Variants in CNBD1 observed in about 807,000 individuals in gnomAD.
CNBD1 encodes cyclic nucleotide binding domain containing 1.
A neutral mutation model predicts 54.4 loss-of-function variants in CNBD1; 71 were observed. The observed-to-expected ratio is 1.30, with a 90% CI of 1.08 to 1.59. CNBD1 has a LOEUF of 1.59. Among genes scored for constraint, CNBD1 ranks in the 40% most tolerant of loss-of-function variants. CNBD1 has a pLI of 0.00. For synonymous variants in CNBD1, 182 were observed against 170.7 expected, an observed-to-expected ratio of 1.07 and a Z score of -0.51; for missense variants, 659 against 518.0, an observed-to-expected ratio of 1.27 and a Z score of -2.64.
chr8:87,284,542 G>A (rs551372893), intron 6 of CNBD1, 136 bp from the exon 7 acceptor site: 1 of 592,566 alleles, frequency 1.7e-6, no homozygotes, highest in East Asian at 3.1e-5. Context: ...AGAAGTAGTA[G>A]GAGCCATCCA....
chr8:87,143,532 TGTAAA>T (rs2130740905), intron 4 of CNBD1, among the ~76,000 whole-genome samples: 1 of 152,338 alleles, frequency 6.6e-6, no homozygotes, highest in South Asian at 2.1e-4. Flanking sequence ...ATTTAAAGAA[TGTAAA>T]GTAATCCTGA....
intron 2 of CNBD1, among the ~76,000 whole-genome samples, chr8:87,391,107 G>T (rs1811300525): frequency 6.6e-6 from 1 of 151,958 alleles, no homozygotes; most frequent in Non-Finnish European, 1.5e-5. Flanking sequence ...GGGGGAAGGG[G>T]GGAGGGATAG....
intron 8 of CNBD1, among the ~76,000 whole-genome samples, chr8:87,313,173 G>T (rs533368261): frequency 2.6e-5 from 4 of 152,046 alleles, no homozygotes; most frequent in Middle Eastern, 6.8e-3. Context: ...AACTTGAAAA[G>T]GTTTGATGCT....
intron 1 of CNBD1, 100 bp downstream of exon 1, chr8:86,866,683 A>G: frequency 1.2e-6 from 1 of 820,508 alleles, no homozygotes; most frequent in South Asian, 1.5e-5. Context: ...GTTGATAGGG[A>G]CATTGGGAAT....
rs376590912 is a variant in CNBD1 at position 87,275,567 on chromosome 8, G to A, written c.772-9111G>A. Among the ~76,000 whole-genome samples the A allele has an allele frequency of 2.0e-3, 305 of 151,582 alleles. 2 individuals are homozygous for A. The highest frequency in any genetic ancestry group is 0.013 in the South Asian group (60 of 4,800). On this transcript the variant is annotated intron_variant, in intron 6 of 10. Coordinates refer to ENST00000518476, the MANE Select transcript of CNBD1 (RefSeq NM_173538.3). ...TCAATAAATTAGGTATTGATGGGAC[G>A]TATCTCAAAATAATAAGAGCTATCT...
chr8:87,385,227 C>A (rs533310464), downstream of CNBD1, among the ~76,000 whole-genome samples: 1 of 152,230 alleles, frequency 6.6e-6, no homozygotes, highest in South Asian at 2.1e-4. Flanking sequence ...GCATTTCCAA[C>A]TGAGCTACCG....
intron 9 of CNBD1, 89 bp from the exon 10 acceptor site, chr8:87,353,547 G>A (rs1810349428): frequency 2.5e-6 from 2 of 797,010 alleles, no homozygotes; most frequent in Non-Finnish European, 4.0e-6. Flanking sequence ...TTAGTAAAAT[G>A]GTTTATGAGT....
At chr8:87,363,135 A>G (rs111739570) in intron 10 of CNBD1, among the ~76,000 whole-genome samples, 2,842 of 152,206 alleles carry the variant, frequency 0.019, 86 homozygotes, top group African/African-American at 0.062. Flanking sequence ...TAGTTTGCTG[A>G]AAATGATGGT....
At chr8:87,019,691 A>G (rs1160724353) in intron 4 of CNBD1, among the ~76,000 whole-genome samples, 1 of 152,172 alleles carries the variant, frequency 6.6e-6, no homozygotes, top group East Asian at 1.9e-4. Context: ...CAGCCTGGCC[A>G]GCATAGTGAA....
chr8:87,284,668 AT>A lies in CNBD1; in HGVS notation c.772-5del. The A allele has an allele frequency of 6.3e-7, 1 of 1,592,020 alleles. No individual in the cohort carries two copies. Among genetic ancestry groups the A allele is most frequent in the East Asian group, 2.2e-5 (1 of 44,502 alleles). On this transcript the variant is annotated splice_polypyrimidine_tract_variant and intron_variant, in intron 6 of 10. Transcript: ENST00000518476. ...TAATAAACATTAAATTGTCTCTGGT[AT>A]TTTTACAGCTTAGCAAATGGAGTAC...
At chr8:86,961,123 TATGAC>T (rs763805839) in intron 4 of CNBD1, among the ~76,000 whole-genome samples, 10 of 152,244 alleles carry the variant, frequency 6.6e-5, no homozygotes, top group Non-Finnish European at 1.3e-4. Flanking sequence ...TGTTATAACA[TATGAC>T]AGTAAGTGTA....
chr8:86,919,447 G>T (rs1248039451), intron 3 of CNBD1, among the ~76,000 whole-genome samples: 1 of 152,110 alleles, frequency 6.6e-6, no homozygotes, highest in Non-Finnish European at 1.5e-5. Flanking sequence ...TAAGGTATCT[G>T]CCTTATTTGC....
intron 5 of CNBD1, among the ~76,000 whole-genome samples, chr8:87,230,870 A>G (rs948097011): frequency 3.3e-5 from 5 of 152,342 alleles, no homozygotes; most frequent in East Asian, 3.9e-4. Flanking sequence ...ATTAACTTCT[A>G]TTTTATGGAG....
intron 1 of CNBD1, among the ~76,000 whole-genome samples, chr8:86,881,640 C>T (rs976388251): frequency 6.6e-6 from 1 of 152,152 alleles, no homozygotes; most frequent in African/African-American, 2.4e-5. Flanking sequence ...CTGCCATTCG[C>T]ATTCTTCACA....
intron 10 of CNBD1, among the ~76,000 whole-genome samples, chr8:87,371,766 G>T (rs1432516621): frequency 6.6e-6 from 1 of 151,864 alleles, no homozygotes; most frequent in Admixed American, 6.6e-5. Context: ...ATGCAGAAAA[G>T]GCCTTTGACA....
Position 87,411,397 on chromosome 8 carries a change from C to CATATATACATATATATAT in CNBD1, c.214-17142_214-17141insCATATATATATATATATA, listed in dbSNP as rs1554588016. Among the ~76,000 whole-genome samples, 670 of 92,362 alleles carry CATATATACATATATATAT rather than the reference C, an allele frequency of 7.3e-3. 19 individuals carry two copies. The highest frequency in any genetic ancestry group is 0.028 in the African/African-American group (635 of 23,010). The allele number at this position is 92,362 out of a possible 152,430, so 60.6% of individuals were successfully genotyped here. On this transcript the variant is annotated intron_variant, in intron 2 of 7. Transcript: ENST00000521593. ...ATAGGCAGGATTAACCTAGCTATAT[C>CATATATACATATATATAT]ATATATATATATATATATATATATA...
chr8:87,376,609 G>A (rs763831663), intron 10 of CNBD1, among the ~76,000 whole-genome samples: 3 of 151,926 alleles, frequency 2.0e-5, no homozygotes, highest in Non-Finnish European at 1.5e-5. Context: ...TATTCATAGA[G>A]TTCTATATTT....
At chr8:87,376,250 C>G (rs531092510) in intron 10 of CNBD1, among the ~76,000 whole-genome samples, 1 of 151,938 alleles carries the variant, frequency 6.6e-6, no homozygotes, top group East Asian at 2.0e-4. Flanking sequence ...GATCAAGTCC[C>G]TGGCTGATCT....
intron 2 of CNBD1, among the ~76,000 whole-genome samples, chr8:87,390,804 C>T (rs549967736): frequency 1.1e-4 from 17 of 152,122 alleles, no homozygotes; most frequent in Admixed American, 7.2e-4. Flanking sequence ...ATGTTTATTG[C>T]GGCACTATTC....
Sources: allele counts gnomAD v4.1 joint callset (sites outside exome capture counted in the v4.1 genomes callset), GRCh38; gene constraint gnomAD v4.1.1; transcripts MANE v1.5; gene names NCBI Gene and HGNC (gene_info 2026-07-23, HGNC 2026-07-21).